MAU2: variants seen among roughly 807,000 people sequenced by gnomAD.
MAU2 encodes the protein MAU2 sister chromatid cohesion factor.
MAU2 carries 9 observed loss-of-function variants against 89.1 expected under a neutral mutation model. That is an observed-to-expected ratio of 0.10 (90% confidence interval 0.06 to 0.18). The LOEUF is 0.18. Ranked by LOEUF, MAU2 falls within the 10% of genes least tolerant of loss-of-function variation. The pLI, the probability that MAU2 is intolerant of heterozygous loss-of-function variation, is 1.00. For synonymous variants in MAU2, 357 were observed against 343.4 expected (o/e 1.04, Z -0.44); for missense variants, 425 against 803.5 (o/e 0.53, Z 5.69).
At chr19:19,322,872 C>CTTTAT (rs765023875) in intron 1 of MAU2, among the ~76,000 whole-genome samples, 111 of 152,138 alleles carry the variant, frequency 7.3e-4, no homozygotes, top group South Asian at 5.2e-3. Flanking sequence ...TGGAAGGAGA[C>CTTTAT]TTTATTTTAT....
At chr19:19,344,769 C>A in intron 10 of MAU2, 80 bp from the exon 11 acceptor site, 1 of 1,174,622 alleles carries the variant, frequency 8.5e-7, no homozygotes, top group South Asian at 1.3e-5. Context: ...CACCCACCAG[C>A]TATGGGGTCT....
intron 16 of MAU2, among the ~76,000 whole-genome samples, chr19:19,351,918 G>C (rs183448909): frequency 7.1e-6 from 1 of 141,380 alleles, no homozygotes; most frequent in Non-Finnish European, 1.5e-5. Flanking sequence ...GTGTGATCTC[G>C]GCTCACTGCA....
At chr19:19,347,620 T>A (rs2061704103) in intron 13 of MAU2, 1 of 433,058 alleles carries the variant, frequency 2.3e-6, no homozygotes, top group Non-Finnish European at 4.2e-6. Context: ...CAAACCAAGC[T>A]GTATGAATCA....
intron 3 of MAU2, 140 bp from the exon 4 acceptor site, chr19:19,337,030 T>C (rs2061602339): frequency 3.2e-6 from 2 of 633,592 alleles, no homozygotes; most frequent in African/African-American, 3.7e-5. Context: ...ATAAAGTAAA[T>C]TGGCAACCCC....
chr19:19,354,738 T>G, intron 17 of MAU2: 1 of 460,400 alleles, frequency 2.2e-6, no homozygotes, highest in South Asian at 2.5e-5. Context: ...CCTTGCTTCT[T>G]CCCGGAAAGG....
At position 19,343,759 on chromosome 19, in the gene MAU2, G is replaced by A. The variant is rs1003573322; in HGVS notation, c.974-78G>A. On this transcript the variant is annotated intron_variant, in intron 9 of 18. Transcript: ENST00000262815. ...AGCCAGTGTGGCAGGAGACAGGAAC[G>A]AGGTGGGGGCACGGTGGGCTGGGGG... 84 of 1,048,368 alleles carry A rather than the reference G, an allele frequency of 8.0e-5. 1 individual carries two copies. Among genetic ancestry groups the A allele is most frequent in the South Asian group, 2.5e-5 (2 of 78,596 alleles). 64.9% of individuals were successfully genotyped at this position (1,048,368 alleles called of 1,614,324 possible). A position where few individuals can be genotyped will look rare whatever the true frequency, so the allele number is the denominator to read the frequency against.
In MAU2 at chr19:19,355,923, T is replaced by G. The variant is rs1568670823; in HGVS notation, c.*141T>G. The G allele has an allele frequency of 3.6e-6, 3 of 823,512 alleles. No homozygotes were observed. The Admixed American group carries it at 5.9e-5, about 16-fold the overall frequency. 51.0% of individuals were successfully genotyped at this position (823,512 alleles called of 1,614,324 possible). On this transcript the variant is annotated 3_prime_UTR_variant, in exon 19 of 19. Transcript: ENST00000262815. ...AAGTCCTGGGAATGTGCGGGGCCAG[T>G]CCCTGCCCTCCCAGGAGGGGTGGTA...
chr19:19,340,411 G>A (rs1407204890), intron 5 of MAU2, among the ~76,000 whole-genome samples: 4 of 151,672 alleles, frequency 2.6e-5, no homozygotes, highest in East Asian at 1.9e-4. Flanking sequence ...AGGCCGAGGC[G>A]GGTGGATCAC....
intron 1 of MAU2, 140 bp downstream of exon 1, chr19:19,321,275 CCCG>C: frequency 1.9e-6 from 2 of 1,034,030 alleles, no homozygotes; most frequent in South Asian, 3.8e-5. Flanking sequence ...AGGACCCCCA[CCCG>C]CCTCTGCCGG....
chr19:19,335,840 A>AGGCTC, intron 2 of MAU2, 105 bp downstream of exon 2: 3 of 1,353,712 alleles, frequency 2.2e-6, no homozygotes, highest in Non-Finnish European at 3.2e-6. Context: ...CTGTGAGTTG[A>AGGCTC]GGCTCGGCCC....
chr19:19,342,561 G>T lies in MAU2; in HGVS notation c.762G>T (p.Lys254Asn). The T allele has an allele frequency of 6.2e-7, 1 of 1,603,304 alleles. No individual in the cohort carries two copies. ...GQVKSVKPCLKQLQQCIQTIS... is the reference protein window; with the variant it reads ...GQVKSVKPCLNQLQQCIQTIS... ...TGAAGAGCGTGAAGCCGTGTCTGAA[G>T]CAGCTGCAGCAGTGCATCCAGACCA... is the stretch of plus-strand genomic sequence containing the variant. The change falls in exon 8 of 19, where the codon AAG becomes AAT. Residue 254 changes from lysine to asparagine, a missense_variant. Lys to Asn is a moderately conservative substitution (Grantham distance 94). This residue lies in a region of MAU2 where 119 missense variants were observed against 299.8 expected (regional missense o/e 0.40). Transcript: ENST00000262815.
rs771198715 is a variant in MAU2, at chr19:19,340,848, C to T, written c.554C>T (p.Ala185Val). ...GACCCCTGCCTCTTGTTTTGCAGGG[C>T]GCTGTTCCTCCTCAGCAAGGGGATG... ...ARVVGSEYTR[A>V]LFLLSKGMLL... The change falls in exon 6 of 19, where the codon GCG becomes GTG. Residue 185 changes from alanine (A) to valine (V), a missense_variant and splice_region_variant. Physicochemically the swap from Ala to Val is moderately conservative, Grantham distance 64. Around this residue, in one of 11 missense-constraint regions of MAU2, gnomAD observed 119 missense variants for 299.8 expected, o/e 0.40. Coordinates refer to ENST00000262815, the MANE Select transcript of MAU2 (RefSeq NM_015329.4). The T allele has an allele frequency of 6.2e-6, 10 of 1,613,258 alleles. No individual in the cohort carries two copies. The African/African-American group carries it at 6.7e-5, about 11-fold the overall frequency.
chr19:19,339,950 C>T (rs1190783010), intron 5 of MAU2, among the ~76,000 whole-genome samples: 2 of 151,714 alleles, frequency 1.3e-5, no homozygotes, highest in Non-Finnish European at 2.9e-5. Flanking sequence ...GGGCAGATCA[C>T]GAGGTCAGGA....
intron 17 of MAU2, among the ~76,000 whole-genome samples, chr19:19,354,913 G>T (rs997500805): frequency 4.6e-5 from 7 of 152,152 alleles, no homozygotes; most frequent in African/African-American, 1.7e-4. Flanking sequence ...AGGAGACGGG[G>T]TGCTCCATGT....
chr19:19,348,653 G>A, intron 13 of MAU2: 1 of 630,118 alleles, frequency 1.6e-6, no homozygotes, highest in Non-Finnish European at 2.8e-6. Flanking sequence ...TGGACGCCCA[G>A]GCCCCTGTCA....
chr19:19,342,958 G>A (rs955707823), intron 9 of MAU2, 92 bp downstream of exon 9: 17 of 1,375,526 alleles, frequency 1.2e-5, no homozygotes, highest in Middle Eastern at 2.2e-4. Context: ...CAGTGACCCT[G>A]TGTGACCGCA....
chr19:19,346,899 C>T (rs567828869), intron 12 of MAU2: 10 of 179,998 alleles, frequency 5.6e-5, no homozygotes, highest in Middle Eastern at 2.5e-3. Flanking sequence ...CCGCCTAGGA[C>T]CAGCATATGC....
Position 19,358,495 on chromosome 19 carries a change from A to G in MAU2, c.*2713A>G, listed in dbSNP as rs774684519. The stretch of plus-strand genomic sequence containing the variant: ...CCACCCAGCCCAGCATGGTGGCTCA[A>G]TTGGTTGGTTGCGTTGTCAGTTGTC... On this transcript the variant is annotated 3_prime_UTR_variant, in exon 19 of 19. Transcript: ENST00000262815. The G allele has an allele frequency of 2.0e-5, 3 of 152,292 alleles. No homozygotes were observed. The highest frequency in any genetic ancestry group is 2.1e-4 in the South Asian group (1 of 4,830). 9.4% of individuals were successfully genotyped at this position (152,292 alleles called of 1,614,324 possible). A position where few individuals can be genotyped will look rare whatever the true frequency, so the allele number is the denominator to read the frequency against.
chr19:19,339,087 A>T (rs969911362), intron 5 of MAU2, 148 bp downstream of exon 5: 3 of 633,670 alleles, frequency 4.7e-6, no homozygotes, highest in African/African-American at 1.8e-5. Flanking sequence ...CCAAGGTAGG[A>T]GGATCACTTG....
Sources: gnomAD v4.1 joint callset for allele counts (sites outside exome capture counted in the v4.1 genomes callset) on GRCh38, gnomAD v4.1.1 for gene constraint, gnomAD v4.1.1 regional missense constraint, MANE v1.5 for transcripts, NCBI Gene and HGNC (gene_info 2026-07-23, HGNC 2026-07-21) for gene names.